Variants in SPIC observed in about 807,000 individuals in gnomAD.
The protein encoded by SPIC is Spi-C transcription factor, also known as transcription factor Spi-C.
A neutral mutation model predicts 16.7 loss-of-function variants in SPIC; 9 were observed. The ratio of observed to expected loss-of-function variants is 0.54; its 90% CI spans 0.33 to 0.94. SPIC has a LOEUF of 0.94. SPIC is among the 40% of genes least tolerant of loss of function. The pLI is 0.03. For missense variants in SPIC, 241 were observed against 285.8 expected (o/e 0.84, Z 1.13); for synonymous variants, 97 against 102.9 (o/e 0.94, Z 0.35).
At chr12:101,479,492 G>C in intron 3 of SPIC, 90 bp from the exon 4 acceptor site, 1 of 911,508 alleles carries the variant, frequency 1.1e-6, no homozygotes, top group Non-Finnish European at 1.7e-6. Flanking sequence ...GAGAGCAATT[G>C]CATCTATAAG....
intron 5 of SPIC, among the ~76,000 whole-genome samples, chr12:101,484,682 A>T (rs1321217274): frequency 6.6e-6 from 1 of 151,786 alleles, no homozygotes; most frequent in East Asian, 1.9e-4. Flanking sequence ...GTTAAAAAAA[A>T]ATTATAGGCC....
At chr12:101,477,454 C>A in intron 2 of SPIC, 104 bp from the exon 3 acceptor site, 1 of 1,077,052 alleles carries the variant, frequency 9.3e-7, no homozygotes, top group Non-Finnish European at 1.4e-6. Flanking sequence ...CCCATAGTGT[C>A]AAGATTGAGA....
Position 101,479,745 on chromosome 12 carries a change from G to A in SPIC, c.210+51G>A, listed in dbSNP as rs774075133. ...ACAGGCAAATATCCTATTCTTGCCAGCCTTCCATTTCACATACACTGTCTG... is the reference window on the plus strand; with the variant it reads ...ACAGGCAAATATCCTATTCTTGCCAACCTTCCATTTCACATACACTGTCTG... On this transcript the variant is annotated intron_variant, in intron 4 of 5. Transcript: ENST00000551346. 4 of 1,393,156 alleles carry A rather than the reference G, an allele frequency of 2.9e-6. No homozygotes were observed. The Admixed American group carries it at 7.1e-5, about 25-fold the overall frequency. 86.3% of individuals were successfully genotyped at this position (1,393,156 alleles called of 1,614,324 possible). A position where few individuals can be genotyped will look rare whatever the true frequency, so the allele number is the denominator to read the frequency against.
At position 101,486,950 on chromosome 12, in the gene SPIC, A is replaced by C. The variant is rs565704593; in HGVS notation, c.*179A>C. On this transcript the variant is annotated 3_prime_UTR_variant, in exon 6 of 6. Coordinates refer to ENST00000551346, the MANE Select transcript of SPIC (RefSeq NM_152323.3). ...GCTTTTATCAAAGAGTATGTAATCT[A>C]TACTAACTTGTTGGGAAATTCTGCC... 6.6e-6 allele frequency: 3 copies of C among 456,204 alleles called. No homozygotes were observed. Among genetic ancestry groups the C allele is most frequent in the Non-Finnish European group, 1.1e-5 (3 of 269,670 alleles). 28.3% of individuals were successfully genotyped at this position (456,204 alleles called of 1,614,324 possible).
At chr12:101,480,322 T>A (rs1333707686) in intron 4 of SPIC, among the ~76,000 whole-genome samples, 3 of 152,240 alleles carry the variant, frequency 2.0e-5, no homozygotes, top group Non-Finnish European at 4.4e-5. Flanking sequence ...TGCAAAAAGT[T>A]TCCCCTAAAA....
Position 101,486,406 on chromosome 12 carries a change from T to C in SPIC, c.382T>C (p.Ser128Pro). Residue 128 changes from serine (S) to proline (P), a missense_variant, in exon 6 of 6, where the codon TCT (serine) becomes CCT (proline). By Grantham distance (74) the Ser-to-Pro change is moderately conservative (BLOSUM62 -1). Coordinates refer to ENST00000551346, the MANE Select transcript of SPIC (RefSeq NM_152323.3). ...ATCCCTGTATAATCCGGAGATGGCATCTTGTATTCAGTGGGTAGATAAAAC... is the reference window on the plus strand; with the variant it reads ...ATCCCTGTATAATCCGGAGATGGCACCTTGTATTCAGTGGGTAGATAAAAC... Reference protein sequence around the residue: ...HESLYNPEMASCIQWVDKTKG... With the variant: ...HESLYNPEMAPCIQWVDKTKG... The C allele has an allele frequency of 6.2e-7, 1 of 1,614,086 alleles. No homozygotes were observed. The highest frequency in any genetic ancestry group is 8.5e-7 in the Non-Finnish European group (1 of 1,180,006).
Position 101,486,366 on chromosome 12 carries a change from T to C in SPIC, c.342T>C (p.Phe114=). ...GGKGRKKLRL[F]EYLHESLYNP... The stretch of plus-strand genomic sequence containing the variant: ...TAGGCAGGAAGAAGCTCCGACTGTT[T>C]GAATACCTTCACGAATCCCTGTATA... The change falls in exon 6 of 6, where the codon TTT becomes TTC. Residue 114 remains phenylalanine (F), a synonymous_variant. Coordinates refer to ENST00000551346, the MANE Select transcript of SPIC (RefSeq NM_152323.3). 2 of 1,611,704 alleles carry C rather than the reference T, an allele frequency of 1.2e-6. No individual in the cohort carries two copies. The highest frequency in any genetic ancestry group is 1.3e-5 in the African/African-American group (1 of 74,788).
At position 101,480,522 on chromosome 12, in the gene SPIC, G is replaced by T. The variant is rs991448279; in HGVS notation, c.210+828G>T. 3.3e-5 allele frequency among the ~76,000 whole-genome samples: 5 copies of T among 152,326 alleles called. No individual in the cohort carries two copies. In the East Asian group the frequency reaches 7.7e-4, roughly 23 times the overall value. On this transcript the variant is annotated intron_variant, in intron 4 of 5. Coordinates refer to ENST00000551346, the MANE Select transcript of SPIC (RefSeq NM_152323.3). Reference sequence around the variant, plus strand: ...TCCCCATTCATGTATTCTTTTAGTTGTCTTCTTCATGCATCCATTTTATCA... The same window carrying T: ...TCCCCATTCATGTATTCTTTTAGTTTTCTTCTTCATGCATCCATTTTATCA...
chr12:101,481,873 G>A (rs1263703904), intron 4 of SPIC, among the ~76,000 whole-genome samples: 1 of 145,842 alleles, frequency 6.9e-6, no homozygotes, highest in Non-Finnish European at 1.5e-5. Context: ...GGCTGGTCTC[G>A]AACTCTTGAC....
intron 3 of SPIC, among the ~76,000 whole-genome samples, chr12:101,478,326 C>G (rs1029406937): frequency 6.6e-6 from 1 of 151,954 alleles, no homozygotes; most frequent in Non-Finnish European, 1.5e-5. Flanking sequence ...CCACTGTGCC[C>G]GGTGACCTTT....
At chr12:101,485,206 A>G (rs1320723466) in intron 5 of SPIC, among the ~76,000 whole-genome samples, 2 of 152,226 alleles carry the variant, frequency 1.3e-5, no homozygotes, top group Admixed American at 1.3e-4. Context: ...GGGAAAATGG[A>G]ATTTGGCTGC....
intron 5 of SPIC, among the ~76,000 whole-genome samples, chr12:101,484,148 T>C (rs1873291941): frequency 6.6e-6 from 1 of 152,026 alleles, no homozygotes; most frequent in South Asian, 2.1e-4. Context: ...AGAAAGCTTT[T>C]TTTAAAAAAA....
intron 4 of SPIC, 112 bp downstream of exon 4, chr12:101,479,806 G>T: frequency 1.8e-5 from 12 of 670,504 alleles, no homozygotes; most frequent in South Asian, 5.5e-5. Flanking sequence ...CTATGAAAAT[G>T]GTTTTTTCTT....
chr12:101,476,818 A>G lies in SPIC; in HGVS notation c.-77-10A>G. 5.3e-6 allele frequency: 5 copies of G among 936,756 alleles called. No individual in the cohort carries two copies. The South Asian group carries it at 1.3e-4, about 24-fold the overall frequency. 58.0% of individuals were successfully genotyped at this position (936,756 alleles called of 1,614,324 possible). ...TTTAATTTTGCTTTTTAAATATTAA[A>G]CTTTTTCAGGATTGTCAACTTATTT... is the stretch of plus-strand genomic sequence containing the variant. On this transcript the variant is annotated splice_polypyrimidine_tract_variant and intron_variant, in intron 1 of 5. Transcript: ENST00000551346.
chr12:101,482,465 G>A (rs1873233426), intron 4 of SPIC, among the ~76,000 whole-genome samples: 1 of 151,700 alleles, frequency 6.6e-6, no homozygotes, highest in South Asian at 2.1e-4. Flanking sequence ...ATCTCCCCTT[G>A]CCTACATGGG....
In SPIC at chr12:101,479,227, A is replaced by AGAAG. The variant is rs1298853874; in HGVS notation, c.98-352_98-351insGGAA. Among the ~76,000 whole-genome samples, 290 of 110,758 alleles carry AGAAG rather than the reference A, an allele frequency of 2.6e-3. 15 individuals carry two copies. The highest frequency in any genetic ancestry group is 8.8e-3 in the Middle Eastern group (2 of 228). The allele number at this position is 110,758 out of a possible 152,430, so 72.7% of individuals were successfully genotyped here. On this transcript the variant is annotated intron_variant, in intron 3 of 5. Transcript: ENST00000551346. ...AAGAAAGAAAGAAAGAAAGAAGGAA[A>AGAAG]GAAAGAAAGAAAGAAAAAGAAAGAA...
chr12:101,486,668 A>C lies in SPIC; in HGVS notation c.644A>C (p.Gln215Pro). The change falls in exon 6 of 6, where the codon CAG (glutamine) becomes CCG (proline). Residue 215 changes from glutamine to proline, a missense_variant. Physicochemically the swap from Gln to Pro is moderately conservative, Grantham distance 76. Coordinates refer to ENST00000551346, the MANE Select transcript of SPIC (RefSeq NM_152323.3). Reference sequence around the variant, plus strand: ...CTGGGGAAAGAGATCTTCTATTCACAGTGTGTTCAACCTGATCAAGAATAT... The same window carrying C: ...CTGGGGAAAGAGATCTTCTATTCACCGTGTGTTCAACCTGATCAAGAATAT... ...YFLGKEIFYS[Q>P]CVQPDQEYLS... 6.2e-7 allele frequency: 1 copy of C among 1,613,944 alleles called. No individual in the cohort carries two copies. Among genetic ancestry groups the C allele is most frequent in the Non-Finnish European group, 8.5e-7 (1 of 1,179,842 alleles).
At chr12:101,479,246 GAAAGAAAGAAGGAAGGAAA>G (rs1873086787) in intron 3 of SPIC, among the ~76,000 whole-genome samples, 8 of 85,770 alleles carry the variant, frequency 9.3e-5, no homozygotes, top group South Asian at 3.8e-4. Flanking sequence ...GAAAGAAAAA[GAAAGAAAGAAGGAAGGAAA>G]GAAAGAAAGA....
Position 101,479,276 on chromosome 12 carries a change from AAG to A in SPIC, c.98-304_98-303del, listed in dbSNP as rs1491092521. Among the ~76,000 whole-genome samples, 254 of 68,224 alleles carry A rather than the reference AAG, an allele frequency of 3.7e-3. 17 individuals carry two copies. Among genetic ancestry groups the A allele is most frequent in the African/African-American group, 0.016 (195 of 11,888 alleles). 44.8% of individuals were successfully genotyped at this position (68,224 alleles called of 152,430 possible). On this transcript the variant is annotated intron_variant, in intron 3 of 5. Coordinates refer to ENST00000551346, the MANE Select transcript of SPIC (RefSeq NM_152323.3). ...AAAGAAGGAAGGAAAGAAAGAAAGAAAGAAAGAAAAAGAAAGAAAGAAAGAAA... is the reference window on the plus strand; with the variant it reads ...AAAGAAGGAAGGAAAGAAAGAAAGAAAAAGAAAAAGAAAGAAAGAAAGAAA...
Sources: gnomAD v4.1 joint callset for allele counts (sites outside exome capture counted in the v4.1 genomes callset) on GRCh38, gnomAD v4.1.1 for gene constraint, MANE v1.5 for transcripts, NCBI Gene and HGNC (gene_info 2026-07-23, HGNC 2026-07-21) for gene names.